RBMS3: variants seen among roughly 807,000 people sequenced by gnomAD.
The protein encoded by RBMS3 is RNA binding motif single stranded interacting protein 3, also known as RNA-binding motif, single-stranded-interacting protein 3.
Under a neutral mutation model 66.8 loss-of-function variants are expected in RBMS3, and 27 were observed. The observed-to-expected ratio is 0.40, with a 90% CI of 0.30 to 0.56. RBMS3 has a LOEUF of 0.56. Among genes scored for constraint, RBMS3 ranks in the 20% least tolerant of loss-of-function variants. The probability of loss-of-function intolerance (pLI) is 0.40; values close to 1 mark genes in which losing one functional copy is unlikely to be tolerated. For missense variants in RBMS3, 513 were observed against 549.5 expected (o/e 0.93, Z 0.66); for synonymous variants, 188 against 183.0 (o/e 1.03, Z -0.22).
intron 1 of RBMS3, among the ~76,000 whole-genome samples, chr3:29,334,669 G>C (rs927557732): frequency 3.9e-5 from 6 of 152,140 alleles, no homozygotes; most frequent in African/African-American, 1.4e-4. Context: ...CTGCAGTTGT[G>C]AATTTTATTA....
intron 10 of RBMS3, among the ~76,000 whole-genome samples, chr3:29,913,255 G>A (rs2060560826): frequency 6.6e-6 from 1 of 151,914 alleles, no homozygotes; most frequent in Non-Finnish European, 1.5e-5. Context: ...AGATAAAGCT[G>A]ATATCAAACC....
intron 4 of RBMS3, among the ~76,000 whole-genome samples, chr3:29,666,030 G>T (rs1427981118): frequency 2.6e-5 from 4 of 151,956 alleles, no homozygotes; most frequent in Admixed American, 2.6e-4. Flanking sequence ...AATTCACTAG[G>T]GTTCTCTGCT....
At chr3:29,835,308 T>C (rs988243950) in intron 6 of RBMS3, among the ~76,000 whole-genome samples, 1 of 151,848 alleles carries the variant, frequency 6.6e-6, no homozygotes, top group Non-Finnish European at 1.5e-5. Context: ...TACAAAAGAC[T>C]CCATCCAAAA....
chr3:29,655,556 G>T (rs1414572584), intron 4 of RBMS3, among the ~76,000 whole-genome samples: 2 of 152,162 alleles, frequency 1.3e-5, no homozygotes, highest in Non-Finnish European at 2.9e-5. Context: ...TCACATGTGC[G>T]TGATGATGCT....
At chr3:29,994,287 G>C (rs111775112) in intron 14 of RBMS3, among the ~76,000 whole-genome samples, 15 of 152,174 alleles carry the variant, frequency 9.9e-5, no homozygotes, top group Admixed American at 9.8e-4. Context: ...CTACCCCCAC[G>C]GAGTCTCGCT....
chr3:29,563,029 G>T (rs188310367), intron 3 of RBMS3, among the ~76,000 whole-genome samples: 1 of 152,292 alleles, frequency 6.6e-6, no homozygotes, highest in Admixed American at 6.5e-5. Flanking sequence ...GGGTTTATAT[G>T]GTTGTAGATT....
intron 10 of RBMS3, among the ~76,000 whole-genome samples, chr3:29,921,367 G>GT (rs201851943): frequency 4.0e-5 from 6 of 151,554 alleles, no homozygotes; most frequent in Admixed American, 1.3e-4. Flanking sequence ...ACCTGGTTTA[G>GT]TTTTTTTTAA....
At chr3:29,880,422 G>A (rs1422876040) in intron 7 of RBMS3, among the ~76,000 whole-genome samples, 1 of 152,060 alleles carries the variant, frequency 6.6e-6, no homozygotes, top group Non-Finnish European at 1.5e-5. Context: ...TGATTCTTGA[G>A]TTTGTAAACA....
Position 29,899,705 on chromosome 3 carries a change from G to C in RBMS3, c.889G>C (p.Val297Leu). 1 of 1,610,042 alleles carries C rather than the reference G, an allele frequency of 6.2e-7. No individual in the cohort carries two copies. The highest frequency in any genetic ancestry group is 8.5e-7 in the Non-Finnish European group (1 of 1,177,700). The change falls in exon 10 of 15, where the codon GTC becomes CTC. Residue 297 changes from valine to leucine, a missense_variant and splice_region_variant. Coordinates refer to ENST00000383767, the MANE Select transcript of RBMS3 (RefSeq NM_001003793.3). ...CTAATAAATGCTGTTTGATGCATAG[G>C]TCCAGAGTACTTCATGGATGCCTCA... is the stretch of plus-strand genomic sequence containing the variant. ...IAASPVSTYQ[V>L]QSTSWMPHPP... is the part of the protein sequence containing the mutation.
intron 4 of RBMS3, among the ~76,000 whole-genome samples, chr3:29,608,952 A>G (rs2048401368): frequency 6.6e-6 from 1 of 151,990 alleles, no homozygotes; most frequent in Admixed American, 6.6e-5. Flanking sequence ...TATAAATTTC[A>G]TTCATATTCT....
At chr3:29,716,486 C>A (rs1212313248) in intron 4 of RBMS3, among the ~76,000 whole-genome samples, 1 of 152,122 alleles carries the variant, frequency 6.6e-6, no homozygotes, top group African/African-American at 2.4e-5. Context: ...ATTCTTTGTG[C>A]CACCACCCAT....
intron 1 of RBMS3, among the ~76,000 whole-genome samples, chr3:29,329,003 C>A (rs1204639898): frequency 1.3e-5 from 2 of 152,132 alleles, no homozygotes; most frequent in African/African-American, 4.8e-5. Flanking sequence ...CCATCAAATG[C>A]ATACCTAGTT....
chr3:29,765,573 G>T (rs994527839), intron 6 of RBMS3, among the ~76,000 whole-genome samples: 5 of 151,924 alleles, frequency 3.3e-5, no homozygotes, highest in African/African-American at 9.7e-5. Flanking sequence ...TCAGAAGTTT[G>T]TGGTTTTATA....
At chr3:29,871,097 T>A (rs1256989967) in intron 7 of RBMS3, among the ~76,000 whole-genome samples, 2 of 152,148 alleles carry the variant, frequency 1.3e-5, no homozygotes, top group East Asian at 3.9e-4. Context: ...TACACATTAA[T>A]CCTATATAAG....
rs541714990 is a variant in RBMS3 at position 29,411,913 on chromosome 3, G to A, written c.76-22830G>A. On this transcript the variant is annotated intron_variant, in intron 1 of 14. Coordinates refer to ENST00000383767, the MANE Select transcript of RBMS3 (RefSeq NM_001003793.3). ...TATGAATGCCCCATGTCTGTCAAAG[G>A]ATGTGAATAAAATAAGTTATTTACC... Among the ~76,000 whole-genome samples the A allele has an allele frequency of 5.9e-5, 9 of 152,258 alleles. No homozygotes were observed. The South Asian group carries it at 1.2e-3, about 21-fold the overall frequency.
intron 1 of RBMS3, among the ~76,000 whole-genome samples, chr3:29,325,321 G>T (rs1370847853): frequency 2.6e-5 from 4 of 152,024 alleles, no homozygotes; most frequent in Non-Finnish European, 5.9e-5. Flanking sequence ...CTATTCCTGG[G>T]TGTCAAGGAT....
At chr3:29,739,974 C>CAAAAAAAAA (rs397989061) in intron 5 of RBMS3, 97 bp downstream of exon 5, 2 of 535,072 alleles carry the variant, frequency 3.7e-6, no homozygotes, top group Non-Finnish European at 5.3e-6. Flanking sequence ...ATAGAATATG[C>CAAAAAAAAA]AAAAAAAAAA....
chr3:29,904,299 C>A (rs929381419), intron 10 of RBMS3, among the ~76,000 whole-genome samples: 2 of 151,960 alleles, frequency 1.3e-5, no homozygotes, highest in Non-Finnish European at 2.9e-5. Flanking sequence ...CGGAAATACA[C>A]ATTGTAAACA....
chr3:29,580,130 A>T (rs749366335), intron 3 of RBMS3, among the ~76,000 whole-genome samples: 19 of 152,134 alleles, frequency 1.2e-4, no homozygotes, highest in Admixed American at 8.5e-4. Context: ...TGTCTTTGTA[A>T]TTGTTTTATT....
Sources: gnomAD v4.1 joint callset for allele counts (sites outside exome capture counted in the v4.1 genomes callset) on GRCh38, gnomAD v4.1.1 for gene constraint, MANE v1.5 for transcripts, NCBI Gene and HGNC (gene_info 2026-07-23, HGNC 2026-07-21) for gene names.